Variants in STXBP5L observed in about 807,000 individuals in gnomAD.
STXBP5L encodes syntaxin binding protein 5L, also known as syntaxin-binding protein 5-like.
Under a neutral mutation model 144.5 loss-of-function variants are expected in STXBP5L, and 65 were observed. The observed-to-expected ratio is 0.45, with a 90% CI of 0.37 to 0.55. STXBP5L has a LOEUF of 0.55. Among genes scored for constraint, STXBP5L ranks in the 20% least tolerant of loss-of-function variants. The probability of loss-of-function intolerance (pLI) is 0.00; values close to 1 mark genes in which losing one functional copy is unlikely to be tolerated. For synonymous variants in STXBP5L, 505 were observed against 469.6 expected, an observed-to-expected ratio of 1.08 and a Z score of -0.97; for missense variants, 1,298 against 1,405.5, an observed-to-expected ratio of 0.92 and a Z score of 1.22.
intron 3 of STXBP5L, among the ~76,000 whole-genome samples, chr3:121,009,861 A>C (rs141971782): frequency 1.6e-4 from 25 of 152,030 alleles, no homozygotes; most frequent in Middle Eastern, 3.4e-3. Flanking sequence ...TGAATGATGA[A>C]TGTTCCCTAT....
At chr3:121,370,327 C>T (rs1169250943) in intron 20 of STXBP5L, among the ~76,000 whole-genome samples, 1 of 152,142 alleles carries the variant, frequency 6.6e-6, no homozygotes, top group Non-Finnish European at 1.5e-5. Context: ...GACATTACAC[C>T]ACTGCACTCC....
At chr3:120,923,934 T>C (rs1306988212) in intron 2 of STXBP5L, among the ~76,000 whole-genome samples, 2 of 152,158 alleles carry the variant, frequency 1.3e-5, no homozygotes, top group African/African-American at 2.4e-5. Context: ...AGATTTTTTT[T>C]TTAACTGAAT....
chr3:120,965,167 G>A (rs540288242), intron 3 of STXBP5L, among the ~76,000 whole-genome samples: 8 of 152,188 alleles, frequency 5.3e-5, no homozygotes, highest in African/African-American at 1.7e-4. Flanking sequence ...TTGAGCCTAT[G>A]TGTGTCTTTG....
Position 121,142,523 on chromosome 3 carries a change from C to A in STXBP5L, c.670-9954C>A, listed in dbSNP as rs138664203. On this transcript the variant is annotated intron_variant, in intron 7 of 26. Transcript: ENST00000471454. ...TTAGGCCATGAAACAAACCTTAATA[C>A]ATTTAAGAAGATTGAAATGATACCA... Among the ~76,000 whole-genome samples, 21 of 152,036 alleles carry A rather than the reference C, an allele frequency of 1.4e-4. No individual in the cohort carries two copies. The East Asian group carries it at 4.1e-3, about 29-fold the overall frequency.
At chr3:121,050,692 C>A (rs1229183946) in intron 5 of STXBP5L, among the ~76,000 whole-genome samples, 1 of 152,118 alleles carries the variant, frequency 6.6e-6, no homozygotes, top group Non-Finnish European at 1.5e-5. Flanking sequence ...AGCAAAATAA[C>A]CAGCTAACAT....
intron 11 of STXBP5L, among the ~76,000 whole-genome samples, chr3:121,227,932 C>G (rs554526085): frequency 2.6e-4 from 40 of 152,230 alleles, no homozygotes; most frequent in Admixed American, 2.4e-3. Context: ...AATATCTGTA[C>G]AAGATGAGAG....
Position 121,157,633 on chromosome 3 carries a change from A to T in STXBP5L, c.877+6A>T. ...CCAGACCACAATTCCACATGGTAAG[A>T]TGTATGCTTTCAAAAGGAATAAACA... On this transcript the variant is annotated splice_donor_region_variant and intron_variant, in intron 9 of 26. Coordinates refer to ENST00000471454, the MANE Select transcript of STXBP5L (RefSeq NM_001308330.2). The T allele has an allele frequency of 6.3e-7, 1 of 1,596,020 alleles. No individual in the cohort carries two copies. Among genetic ancestry groups the T allele is most frequent in the East Asian group, 2.3e-5 (1 of 43,792 alleles).
intron 9 of STXBP5L, among the ~76,000 whole-genome samples, chr3:121,205,675 G>A (rs979198444): frequency 4.6e-5 from 7 of 152,212 alleles, no homozygotes; most frequent in Admixed American, 4.6e-4. Context: ...AGGATGTAAA[G>A]TGATAAAAGT....
chr3:121,097,628 C>G (rs1310350278), intron 5 of STXBP5L, among the ~76,000 whole-genome samples: 1 of 152,134 alleles, frequency 6.6e-6, no homozygotes, highest in Non-Finnish European at 1.5e-5. Context: ...TTCAGATCAC[C>G]CTCCGTGAGC....
rs915575157 is a variant in STXBP5L at position 121,392,882 on chromosome 3, G to T, written c.2587+11350G>T. 2.0e-5 allele frequency among the ~76,000 whole-genome samples: 3 copies of T among 149,588 alleles called. No homozygotes were observed. The Admixed American group carries it at 2.0e-4, about 10-fold the overall frequency. ...TGACTTTGCTATTGTAAGTAGTGCTGCAATAAACATACACGTGCTTGTGTC... is the reference window on the plus strand; with the variant it reads ...TGACTTTGCTATTGTAAGTAGTGCTTCAATAAACATACACGTGCTTGTGTC... On this transcript the variant is annotated intron_variant, in intron 22 of 26. Transcript: ENST00000471454.
chr3:121,301,963 G>A (rs549435235), intron 19 of STXBP5L, among the ~76,000 whole-genome samples: 1 of 152,248 alleles, frequency 6.6e-6, no homozygotes, highest in South Asian at 2.1e-4. Context: ...TTTTACTGAG[G>A]ATTTTTACAT....
At chr3:121,108,446 C>T (rs771606746) in intron 5 of STXBP5L, among the ~76,000 whole-genome samples, 33 of 152,162 alleles carry the variant, frequency 2.2e-4, no homozygotes, top group Non-Finnish European at 2.8e-4. Flanking sequence ...TTATAAAAGG[C>T]CTTTTCTACA....
intron 19 of STXBP5L, among the ~76,000 whole-genome samples, chr3:121,286,783 C>G (rs2051247179): frequency 6.6e-6 from 1 of 150,400 alleles, no homozygotes; most frequent in Non-Finnish European, 1.5e-5. Flanking sequence ...CCAAAATAGA[C>G]AAAATAAATG....
intron 9 of STXBP5L, among the ~76,000 whole-genome samples, chr3:121,162,980 A>G (rs1198696402): frequency 1.3e-5 from 2 of 152,210 alleles, no homozygotes; most frequent in East Asian, 3.8e-4. Context: ...GTGGGAGTGT[A>G]AATTAGTTCA....
chr3:121,340,091 G>A (rs1047144426), intron 20 of STXBP5L, among the ~76,000 whole-genome samples: 1 of 151,890 alleles, frequency 6.6e-6, no homozygotes, highest in Admixed American at 6.6e-5. Flanking sequence ...AGCCCAAATA[G>A]CCAAAGCAAT....
At chr3:121,029,820 TAAAC>T (rs1431576286) in intron 3 of STXBP5L, among the ~76,000 whole-genome samples, 5 of 150,030 alleles carry the variant, frequency 3.3e-5, no homozygotes, top group African/African-American at 4.9e-5. Context: ...ACAAGGAACT[TAAAC>T]AAATTTACAA....
intron 10 of STXBP5L, among the ~76,000 whole-genome samples, chr3:121,210,585 T>C (rs954047848): frequency 2.0e-5 from 3 of 152,232 alleles, no homozygotes; most frequent in Non-Finnish European, 4.4e-5. Flanking sequence ...AAGTCTTTAA[T>C]CCATCTTGAA....
intron 7 of STXBP5L, among the ~76,000 whole-genome samples, chr3:121,151,761 T>C (rs1458094483): frequency 6.6e-6 from 1 of 152,056 alleles, no homozygotes; most frequent in African/African-American, 2.4e-5. Flanking sequence ...TTTCTGTCAT[T>C]GGTAACAAAA....
chr3:121,200,080 C>G (rs1036987328), intron 9 of STXBP5L, among the ~76,000 whole-genome samples: 1 of 152,236 alleles, frequency 6.6e-6, no homozygotes, highest in Admixed American at 6.5e-5. Context: ...CTTTGTACCT[C>G]TGGTAGAATT....
Sources: gnomAD v4.1 joint callset for allele counts (sites outside exome capture counted in the v4.1 genomes callset) on GRCh38, gnomAD v4.1.1 for gene constraint, MANE v1.5 for transcripts, NCBI Gene and HGNC (gene_info 2026-07-23, HGNC 2026-07-21) for gene names.